PGM2L1: variants seen among roughly 807,000 people sequenced by gnomAD.
PGM2L1 encodes the protein glucose 1,6-bisphosphate synthase.
In PGM2L1, 35 loss-of-function variants were observed where a neutral mutation model predicts 73.4. The observed-to-expected ratio is 0.48, with a 90% CI of 0.36 to 0.63. PGM2L1 has a LOEUF of 0.63. PGM2L1 is among the 30% of genes least tolerant of loss of function. The probability of loss-of-function intolerance (pLI) is 0.00; values close to 1 mark genes in which losing one functional copy is unlikely to be tolerated. For missense variants in PGM2L1, 570 were observed against 742.0 expected (o/e 0.77, Z 2.69); for synonymous variants, 225 against 253.8 (o/e 0.89, Z 1.08).
intron 1 of PGM2L1, among the ~76,000 whole-genome samples, chr11:74,380,487 TATAAA>T (rs1455664756): frequency 6.6e-6 from 1 of 152,086 alleles, no homozygotes; most frequent in Non-Finnish European, 1.5e-5. Flanking sequence ...ATACTCATCA[TATAAA>T]ATGAGATTTA....
intron 12 of PGM2L1, among the ~76,000 whole-genome samples, chr11:74,341,590 G>A (rs1016968108): frequency 2.6e-5 from 4 of 151,556 alleles, no homozygotes; most frequent in Non-Finnish European, 5.9e-5. Flanking sequence ...TACTCAGGAG[G>A]CTGAGGCAGG....
At chr11:74,354,606 G>A in intron 5 of PGM2L1, 1 of 1,140,150 alleles carries the variant, frequency 8.8e-7, no homozygotes. Context: ...AGTGCTCCAG[G>A]GGCTTTGGGT....
chr11:74,372,916 A>AT (rs1862793555), intron 2 of PGM2L1, among the ~76,000 whole-genome samples: 1 of 152,198 alleles, frequency 6.6e-6, no homozygotes, highest in Non-Finnish European at 1.5e-5. Flanking sequence ...TCTCATGGTG[A>AT]TACTATCCTA....
intron 1 of PGM2L1, among the ~76,000 whole-genome samples, chr11:74,396,225 G>A (rs1172393226): frequency 1.3e-5 from 2 of 148,458 alleles, no homozygotes; most frequent in East Asian, 4.0e-4. Context: ...CGGAGATCGC[G>A]CCACTGCACT....
At chr11:74,347,660 G>A (rs1337275878) in intron 6 of PGM2L1, among the ~76,000 whole-genome samples, 1 of 152,044 alleles carries the variant, frequency 6.6e-6, no homozygotes, top group Non-Finnish European at 1.5e-5. Flanking sequence ...CTTCCTAACT[G>A]GTCTTTCTCG....
At chr11:74,376,489 T>A (rs552230091) in intron 1 of PGM2L1, among the ~76,000 whole-genome samples, 8 of 150,974 alleles carry the variant, frequency 5.3e-5, no homozygotes, top group Non-Finnish European at 1.0e-4. Context: ...TAGTATAATG[T>A]GTATATAGTA....
chr11:74,350,642 T>C (rs1238286863), intron 6 of PGM2L1, among the ~76,000 whole-genome samples: 1 of 152,144 alleles, frequency 6.6e-6, no homozygotes, highest in African/African-American at 2.4e-5. Flanking sequence ...CTTGGGAGGC[T>C]GAGGCAGGCG....
intron 8 of PGM2L1, 129 bp downstream of exon 8, chr11:74,346,603 G>A (rs1039459239): frequency 2.9e-5 from 19 of 655,388 alleles, no homozygotes; most frequent in East Asian, 2.6e-4. Context: ...TGGTTATTTT[G>A]GGATAATGGA....
Position 74,346,714 on chromosome 11 carries a change from A to G in PGM2L1, c.1037+18T>C. 1 of 1,592,772 alleles carries G rather than the reference A, an allele frequency of 6.3e-7. No homozygotes were observed. The highest frequency in any genetic ancestry group is 8.6e-7 in the Non-Finnish European group (1 of 1,160,982). On this transcript the variant is annotated intron_variant, in intron 8 of 13. Coordinates refer to ENST00000298198, the MANE Select transcript of PGM2L1 (RefSeq NM_173582.6). ...TTTCAAAGTTCAAGCTTTTAATCAA[A>G]TAACAGATTCTACATACTTCTCCTG...
intron 13 of PGM2L1, among the ~76,000 whole-genome samples, chr11:74,337,270 C>T (rs940680480): frequency 6.6e-6 from 1 of 152,256 alleles, no homozygotes; most frequent in Non-Finnish European, 1.5e-5. Context: ...CGAGGCAAGC[C>T]TCTTTTAAAC....
chr11:74,362,196 T>A (rs957676628), intron 5 of PGM2L1, among the ~76,000 whole-genome samples: 4 of 152,196 alleles, frequency 2.6e-5, no homozygotes, highest in Admixed American at 2.6e-4. Context: ...TAACAGCTGA[T>A]CTCTTGGCAG....
intron 1 of PGM2L1, among the ~76,000 whole-genome samples, chr11:74,381,910 C>T (rs1862953270): frequency 6.6e-6 from 1 of 151,040 alleles, no homozygotes; most frequent in South Asian, 2.1e-4. Context: ...TTCCCCCCCA[C>T]CCCCACCAAT....
At chr11:74,343,276 T>A in intron 10 of PGM2L1, 47 bp downstream of exon 10, 1 of 1,530,018 alleles carries the variant, frequency 6.5e-7, no homozygotes, top group Non-Finnish European at 8.7e-7. Context: ...AATTACATTT[T>A]AAAAATTATC....
intron 13 of PGM2L1, among the ~76,000 whole-genome samples, chr11:74,337,742 A>G (rs1591162572): frequency 6.6e-6 from 1 of 152,350 alleles, no homozygotes; most frequent in Admixed American, 6.5e-5. Context: ...TGTTAATCAC[A>G]TAATACTTAA....
chr11:74,375,792 CA>C (rs1207579482), intron 1 of PGM2L1, among the ~76,000 whole-genome samples: 6 of 152,140 alleles, frequency 3.9e-5, no homozygotes, highest in African/African-American at 1.4e-4. Flanking sequence ...AATCCAGACT[CA>C]AGCAGTTTCT....
intron 5 of PGM2L1, among the ~76,000 whole-genome samples, chr11:74,360,083 TA>T (rs1385447109): frequency 3.3e-5 from 5 of 151,740 alleles, no homozygotes; most frequent in African/African-American, 9.7e-5. Context: ...CTACTAAATA[TA>T]AAAAAATTAG....
intron 1 of PGM2L1, among the ~76,000 whole-genome samples, chr11:74,386,028 AT>A (rs1449185425): frequency 6.6e-6 from 1 of 152,200 alleles, no homozygotes; most frequent in African/African-American, 2.4e-5. Context: ...TAAATATGAT[AT>A]ATTTACCAAG....
rs763246219 is a variant in PGM2L1 at position 74,351,419 on chromosome 11, C to T, written c.713G>A (p.Arg238Lys). The change falls in exon 6 of 14, where the codon AGA becomes AAA. Residue 238 changes from arginine (R) to lysine (K), a missense_variant. By Grantham distance (26) the Arg-to-Lys change is conservative. Coordinates refer to ENST00000298198, the MANE Select transcript of PGM2L1 (RefSeq NM_173582.6). ...GATCTTTTTCAGATCTTCCATGTAT[C>T]TCCTGCAAATGTCCTGCAGAGGGTC... ...KRDPLQDICR[R>K]YMEDLKKICF... 2.5e-6 allele frequency: 4 copies of T among 1,613,846 alleles called. No homozygotes were observed. In the Admixed American group the frequency reaches 5.0e-5, roughly 20 times the overall value.
At chr11:74,389,975 C>T (rs1313507471) in intron 1 of PGM2L1, among the ~76,000 whole-genome samples, 1 of 42,068 alleles carries the variant, frequency 2.4e-5, no homozygotes, top group Non-Finnish European at 4.9e-5. Flanking sequence ...AAAAATTAGC[C>T]AGGCGTGGTG....
Sources: gnomAD v4.1 joint callset for allele counts (sites outside exome capture counted in the v4.1 genomes callset) on GRCh38, gnomAD v4.1.1 for gene constraint, MANE v1.5 for transcripts, NCBI Gene and HGNC (gene_info 2026-07-23, HGNC 2026-07-21) for gene names.